RGSL1: variants seen among roughly 807,000 people sequenced by gnomAD.
The protein encoded by RGSL1 is regulator of G protein signaling protein-like.
RGSL1 carries 97 observed loss-of-function variants against 124.7 expected under a neutral mutation model. That is an observed-to-expected ratio of 0.78 (90% CI 0.66 to 0.92). The LOEUF is 0.92. RGSL1 is among the 40% of genes least tolerant of loss of function. The pLI is 0.00. For synonymous variants in RGSL1, 424 were observed against 438.1 expected (o/e 0.97, Z 0.40); for missense variants, 1,233 against 1,288.4 (o/e 0.96, Z 0.66).
At chr1:182,463,832 T>TA (rs941497565) in intron 4 of RGSL1, among the ~76,000 whole-genome samples, 1 of 152,152 alleles carries the variant, frequency 6.6e-6, no homozygotes, top group African/African-American at 2.4e-5. Context: ...GGTTAGGAAA[T>TA]AGAGACTTCA....
intron 14 of RGSL1, among the ~76,000 whole-genome samples, chr1:182,536,505 A>G (rs1337303280): frequency 4.6e-5 from 7 of 152,310 alleles, no homozygotes; most frequent in East Asian, 3.9e-4. Flanking sequence ...AGGGTATGTA[A>G]TAGTATCTTG....
chr1:182,548,343 A>G lies in RGSL1; in HGVS notation c.2696A>G (p.His899Arg). The G allele has an allele frequency of 6.4e-7, 1 of 1,552,130 alleles. No homozygotes were observed. Among genetic ancestry groups the G allele is most frequent in the Non-Finnish European group, 8.7e-7 (1 of 1,147,082 alleles). ...EKFNDLVSSA[H>R]MLQVNRAYNE... ...TTTAATGATCTGGTCAGTTCAGCCC[A>G]CATGCTGCAGGTCAACCGGGCATAT... The change falls in exon 16 of 22, where the codon CAC becomes CGC. Residue 899 changes from histidine (H) to arginine (R), a missense_variant. By Grantham distance (29) the His-to-Arg change is conservative (BLOSUM62 0). Coordinates refer to ENST00000294854, the MANE Select transcript of RGSL1 (RefSeq NM_001137669.2).
intron 1 of RGSL1, chr1:182,453,364 C>T (rs1177153176): frequency 1.3e-5 from 2 of 152,386 alleles, no homozygotes; most frequent in Non-Finnish European, 2.9e-5. Flanking sequence ...CAAAGCTAAC[C>T]CCACTTCAGG....
chr1:182,477,091 TC>T (rs2102051741), intron 6 of RGSL1, among the ~76,000 whole-genome samples: 1 of 152,224 alleles, frequency 6.6e-6, no homozygotes, highest in African/African-American at 2.4e-5. Flanking sequence ...TTGCCAACTA[TC>T]CACAGAAAAA....
At chr1:182,484,752 T>C (rs575027550) in intron 6 of RGSL1, among the ~76,000 whole-genome samples, 1 of 152,288 alleles carries the variant, frequency 6.6e-6, no homozygotes, top group South Asian at 2.1e-4. Flanking sequence ...GGAGGGAGTG[T>C]AGAGCTTAAT....
intron 15 of RGSL1, 82 bp downstream of exon 15, chr1:182,540,503 G>T: frequency 2.3e-6 from 3 of 1,306,658 alleles, no homozygotes; most frequent in Non-Finnish European, 3.1e-6. Context: ...GGCTTGATCT[G>T]TTAGAGATAC....
intron 4 of RGSL1, among the ~76,000 whole-genome samples, chr1:182,471,833 C>T (rs957307891): frequency 6.6e-6 from 1 of 152,184 alleles, no homozygotes. Flanking sequence ...CTGGCTGACA[C>T]TCCAGCTCAA....
chr1:182,493,801 G>A (rs1008062464), intron 9 of RGSL1, among the ~76,000 whole-genome samples: 6 of 152,152 alleles, frequency 3.9e-5, no homozygotes, highest in Non-Finnish European at 1.5e-5. Context: ...GGCATCTAGG[G>A]GAATGAGTGC....
rs1236722933 is a variant in RGSL1 at position 182,474,559 on chromosome 1, A to T, written c.1431+17A>T. ...ATTTGCAAGGTAGGCCATGCCTCAC[A>T]GAAATAAGTTATATCTGGCAAATTA... is the stretch of plus-strand genomic sequence containing the variant. On this transcript the variant is annotated intron_variant, in intron 6 of 21. Coordinates refer to ENST00000294854, the MANE Select transcript of RGSL1 (RefSeq NM_001137669.2). The T allele has an allele frequency of 6.6e-7, 1 of 1,522,364 alleles. No homozygotes were observed. The highest frequency in any genetic ancestry group is 1.4e-5 in the African/African-American group (1 of 71,868). The allele number at this position is 1,522,364 out of a possible 1,614,324, so 94.3% of individuals were successfully genotyped here.
chr1:182,457,008 A>T (rs1652388687), intron 2 of RGSL1, among the ~76,000 whole-genome samples: 1 of 152,072 alleles, frequency 6.6e-6, no homozygotes, highest in Non-Finnish European at 1.5e-5. Flanking sequence ...TTAGCTAGGT[A>T]TGGTGGCGCA....
chr1:182,452,088 T>C (rs1206895015), intron 1 of RGSL1, among the ~76,000 whole-genome samples: 1 of 151,992 alleles, frequency 6.6e-6, no homozygotes, highest in Non-Finnish European at 1.5e-5. Flanking sequence ...AGATAATTTA[T>C]TGAATGATAA....
chr1:182,559,295 C>A (rs992392855), intron 21 of RGSL1, among the ~76,000 whole-genome samples: 1 of 152,090 alleles, frequency 6.6e-6, no homozygotes, highest in Non-Finnish European at 1.5e-5. Context: ...TCAGTTTTGG[C>A]CCCTTTATTT....
intron 9 of RGSL1, among the ~76,000 whole-genome samples, chr1:182,501,876 C>T (rs913996562): frequency 6.6e-6 from 1 of 152,068 alleles, no homozygotes; most frequent in Non-Finnish European, 1.5e-5. Flanking sequence ...GTCATCAGGT[C>T]CTGAGCTTTT....
intron 8 of RGSL1, among the ~76,000 whole-genome samples, chr1:182,490,393 C>T (rs1195481177): frequency 6.6e-6 from 1 of 152,184 alleles, no homozygotes; most frequent in Non-Finnish European, 1.5e-5. Flanking sequence ...GTAAATGGTA[C>T]TTGTTAGATT....
intron 2 of RGSL1, among the ~76,000 whole-genome samples, chr1:182,454,262 C>T (rs1652089894): frequency 6.6e-6 from 1 of 152,110 alleles, no homozygotes; most frequent in African/African-American, 2.4e-5. Context: ...ATCCTAAATC[C>T]CCAGCCTCCT....
intron 10 of RGSL1, among the ~76,000 whole-genome samples, chr1:182,525,235 C>T (rs545852784): frequency 3.3e-5 from 5 of 152,034 alleles, no homozygotes; most frequent in Non-Finnish European, 5.9e-5. Context: ...AATTATAAGA[C>T]ACACACACAA....
chr1:182,554,778 G>A, intron 20 of RGSL1, 85 bp downstream of exon 20: 1 of 1,316,378 alleles, frequency 7.6e-7, no homozygotes, highest in Non-Finnish European at 1.1e-6. Context: ...ACTTTCCAGA[G>A]ACTAGCCTCA....
chr1:182,464,651 G>C (rs935860069), intron 4 of RGSL1, among the ~76,000 whole-genome samples: 2 of 151,646 alleles, frequency 1.3e-5, no homozygotes, highest in Admixed American at 6.6e-5. Context: ...TTGAACCCGG[G>C]AGGCAGAGGT....
intron 2 of RGSL1, among the ~76,000 whole-genome samples, chr1:182,454,473 C>T (rs1652120337): frequency 6.6e-6 from 1 of 152,174 alleles, no homozygotes; most frequent in South Asian, 2.1e-4. Flanking sequence ...CTTCAAATCT[C>T]TGCTTAAATT....
Sources: allele counts gnomAD v4.1 joint callset (sites outside exome capture counted in the v4.1 genomes callset), GRCh38; gene constraint gnomAD v4.1.1; transcripts MANE v1.5; gene names NCBI Gene and HGNC (gene_info 2026-07-23, HGNC 2026-07-21).